BICC1: variants seen among roughly 807,000 people sequenced by gnomAD.
The protein encoded by BICC1 is protein bicaudal C homolog 1.
BICC1 carries 43 observed loss-of-function variants against 111.0 expected under a neutral mutation model. The ratio of observed to expected loss-of-function variants is 0.39; its 90% confidence interval spans 0.30 to 0.50. The LOEUF is 0.50. Among genes scored for constraint, BICC1 ranks in the 20% least tolerant of loss-of-function variants. The pLI, the probability that BICC1 is intolerant of heterozygous loss-of-function variation, is 0.88. For synonymous variants in BICC1, 467 were observed against 434.4 expected, an observed-to-expected ratio of 1.07 and a Z score of -0.93; for missense variants, 1,091 against 1,203.2, an observed-to-expected ratio of 0.91 and a Z score of 1.38.
At chr10:58,766,980 G>A (rs1227180304) in intron 3 of BICC1, among the ~76,000 whole-genome samples, 4 of 151,816 alleles carry the variant, frequency 2.6e-5, no homozygotes, top group Non-Finnish European at 4.4e-5. Context: ...CAGCAGATAG[G>A]TCTTAGAATT....
intron 1 of BICC1, among the ~76,000 whole-genome samples, chr10:58,606,026 A>G (rs1431537426): frequency 1.3e-5 from 2 of 151,484 alleles, no homozygotes; most frequent in African/African-American, 4.8e-5. Flanking sequence ...AATTTTCCAC[A>G]TGGTTAAGAT....
rs112844844 is a variant in BICC1, at chr10:58,775,101, G to A, written c.308-9900G>A. ...TTTAAGATATTTAAGGGCTGGGTGC[G>A]GTGGCTCATGCCTGTAATCCGAGCA... On this transcript the variant is annotated intron_variant, in intron 3 of 20. Transcript: ENST00000373886. Among the ~76,000 whole-genome samples the A allele has an allele frequency of 2.8e-3, 424 of 152,216 alleles. 1 individual carries two copies. Among genetic ancestry groups the A allele is most frequent in the African/African-American group, 9.7e-3 (403 of 41,542 alleles).
chr10:58,692,186 G>A (rs1316514808), intron 2 of BICC1, among the ~76,000 whole-genome samples: 1 of 152,184 alleles, frequency 6.6e-6, no homozygotes, highest in Non-Finnish European at 1.5e-5. Flanking sequence ...AAGAGAGAGA[G>A]AGAGAGACAG....
intron 3 of BICC1, among the ~76,000 whole-genome samples, chr10:58,745,648 A>G (rs1841815534): frequency 8.7e-6 from 1 of 115,314 alleles, no homozygotes; most frequent in African/African-American, 3.4e-5. Flanking sequence ...CTCTGTTTTC[A>G]AAGCCTTTTC....
At chr10:58,712,964 C>T (rs750338057) in intron 3 of BICC1, among the ~76,000 whole-genome samples, 17 of 151,976 alleles carry the variant, frequency 1.1e-4, no homozygotes, top group Non-Finnish European at 1.6e-4. Context: ...AAAGAATAGT[C>T]GTAGATACTA....
chr10:58,609,717 C>T (rs12244874), intron 1 of BICC1, among the ~76,000 whole-genome samples: 34,492 of 152,084 alleles, frequency 0.23, 4,363 homozygotes, highest in East Asian at 0.45. Context: ...GTTCACGAGG[C>T]ACATGTGGCC....
chr10:58,663,073 T>C (rs1349021060), intron 2 of BICC1, among the ~76,000 whole-genome samples: 3 of 146,908 alleles, frequency 2.0e-5, no homozygotes, highest in Admixed American at 6.8e-5. Flanking sequence ...TTTCTTTTTT[T>C]TTTTTTTTTT....
chr10:58,772,684 T>C (rs1842650969), intron 3 of BICC1, among the ~76,000 whole-genome samples: 1 of 152,148 alleles, frequency 6.6e-6, no homozygotes, highest in African/African-American at 2.4e-5. Flanking sequence ...GTGTACATAG[T>C]CTTTGGATGC....
intron 2 of BICC1, among the ~76,000 whole-genome samples, chr10:58,667,553 TC>T (rs1293233129): frequency 2.0e-5 from 3 of 152,104 alleles, no homozygotes; most frequent in Non-Finnish European, 4.4e-5. Flanking sequence ...TTTTAAGTAC[TC>T]TTTTTTTTTG....
At chr10:58,787,645 C>G (rs948906995) in intron 5 of BICC1, among the ~76,000 whole-genome samples, 3 of 152,178 alleles carry the variant, frequency 2.0e-5, no homozygotes, top group Non-Finnish European at 4.4e-5. Context: ...GAAGTATTCT[C>G]TCTTCTAAAC....
intron 3 of BICC1, among the ~76,000 whole-genome samples, chr10:58,747,663 T>G (rs2132630735): frequency 6.6e-6 from 1 of 152,212 alleles, no homozygotes; most frequent in Non-Finnish European, 1.5e-5. Context: ...CATTATGGAG[T>G]ATATACCTTA....
chr10:58,822,044 CAG>C (rs1434443959), intron 20 of BICC1, among the ~76,000 whole-genome samples: 2 of 152,120 alleles, frequency 1.3e-5, no homozygotes, highest in South Asian at 2.1e-4. Context: ...AGCTCATCCT[CAG>C]GGGGCTATCC....
intron 1 of BICC1, among the ~76,000 whole-genome samples, chr10:58,571,774 A>G (rs1283446941): frequency 6.6e-6 from 1 of 152,052 alleles, no homozygotes; most frequent in Non-Finnish European, 1.5e-5. Context: ...TGTCTTTGCT[A>G]TTGTGAAAAA....
chr10:58,553,110 A>G (rs567435016), intron 1 of BICC1, among the ~76,000 whole-genome samples: 1 of 152,214 alleles, frequency 6.6e-6, no homozygotes, highest in South Asian at 2.1e-4. Flanking sequence ...GACTCTCTCA[A>G]TAAATGTATG....
chr10:58,748,470 G>C (rs1294084692), intron 3 of BICC1, among the ~76,000 whole-genome samples: 1 of 151,690 alleles, frequency 6.6e-6, no homozygotes, highest in African/African-American at 2.4e-5. Flanking sequence ...GTGGTGGGGG[G>C]TGGGGAGAAT....
chr10:58,711,419 A>T (rs1475774094), intron 3 of BICC1, among the ~76,000 whole-genome samples: 3 of 152,210 alleles, frequency 2.0e-5, no homozygotes, highest in Non-Finnish European at 4.4e-5. Context: ...TTTTCAGTGC[A>T]TCTCTTTCTA....
chr10:58,780,278 A>C (rs11006260), intron 3 of BICC1, among the ~76,000 whole-genome samples: 119,801 of 152,088 alleles, frequency 0.79, 47,596 homozygotes, highest in East Asian at 1. Flanking sequence ...ATATATGGAA[A>C]TTTTCCCTGT....
intron 3 of BICC1, among the ~76,000 whole-genome samples, chr10:58,751,077 G>T (rs1589100869): frequency 6.6e-6 from 1 of 152,204 alleles, no homozygotes; most frequent in East Asian, 1.9e-4. Flanking sequence ...AACAGAAGAT[G>T]CACACACCCA....
At chr10:58,573,055 A>G (rs1018719502) in intron 1 of BICC1, among the ~76,000 whole-genome samples, 15 of 152,144 alleles carry the variant, frequency 9.9e-5, no homozygotes, top group African/African-American at 3.6e-4. Context: ...TACCTCAAAC[A>G]AAATGATGAC....
Sources: gnomAD v4.1 joint callset for allele counts (sites outside exome capture counted in the v4.1 genomes callset) on GRCh38, gnomAD v4.1.1 for gene constraint, MANE v1.5 for transcripts, NCBI Gene and HGNC (gene_info 2026-07-23, HGNC 2026-07-21) for gene names.